The following CNTNAP2 variants were observed in gnomAD, a reference collection of about 807,000 sequenced individuals.
CNTNAP2 encodes the protein contactin associated protein 2.
In CNTNAP2, 98 loss-of-function variants were observed where a neutral mutation model predicts 155.2. The ratio of observed to expected loss-of-function variants is 0.63; its 90% confidence interval spans 0.54 to 0.75. The LOEUF (loss-of-function observed/expected upper bound fraction) is 0.75. CNTNAP2 is among the 30% of genes least tolerant of loss of function. The pLI, the probability that CNTNAP2 is intolerant of heterozygous loss-of-function variation, is 0.00. For synonymous variants in CNTNAP2, 651 were observed against 631.2 expected (o/e 1.03, Z -0.47); for missense variants, 1,727 against 1,688.1 (o/e 1.02, Z -0.40).
intron 15 of CNTNAP2, among the ~76,000 whole-genome samples, chr7:148,030,527 T>C: frequency 7.6e-6 from 1 of 131,418 alleles, no homozygotes; most frequent in East Asian, 4.8e-4. Flanking sequence ...GAAAGTGTCA[T>C]TAAAAAAGAA....
chr7:147,002,484 G>C (rs931493059), intron 3 of CNTNAP2, among the ~76,000 whole-genome samples: 9 of 152,146 alleles, frequency 5.9e-5, no homozygotes, highest in African/African-American at 2.2e-4. Flanking sequence ...AATTATTAAT[G>C]AGTTGTTAGA....
chr7:147,350,441 AT>A (rs1795949956), intron 9 of CNTNAP2, among the ~76,000 whole-genome samples: 1 of 151,908 alleles, frequency 6.6e-6, no homozygotes, highest in African/African-American at 2.4e-5. Context: ...TATAGTACTC[AT>A]TTCCCATAAA....
At chr7:146,634,604 A>G (rs180998862) in intron 1 of CNTNAP2, among the ~76,000 whole-genome samples, 18 of 152,308 alleles carry the variant, frequency 1.2e-4, no homozygotes, top group Admixed American at 1.2e-3. Flanking sequence ...TTATTCATGA[A>G]TATGTTAATG....
chr7:147,807,352 C>CA (rs1405164231), intron 13 of CNTNAP2, among the ~76,000 whole-genome samples: 34 of 98,658 alleles, frequency 3.4e-4, no homozygotes, highest in Admixed American at 2.1e-3. Flanking sequence ...AAAACGAAAA[C>CA]AAAAAAAAGA....
intron 1 of CNTNAP2, among the ~76,000 whole-genome samples, chr7:146,740,623 G>A (rs1041783832): frequency 6.6e-6 from 1 of 152,136 alleles, no homozygotes; most frequent in Non-Finnish European, 1.5e-5. Context: ...GTTCTGGGGC[G>A]CATCAGACTC....
intron 13 of CNTNAP2, among the ~76,000 whole-genome samples, chr7:147,880,347 A>T (rs549286008): frequency 6.6e-6 from 1 of 152,216 alleles, no homozygotes; most frequent in African/African-American, 2.4e-5. Flanking sequence ...AATCCCAAAA[A>T]GTGACCACAT....
intron 15 of CNTNAP2, among the ~76,000 whole-genome samples, chr7:148,106,493 G>GATAGATAGATAGATAT (rs1490418389): frequency 1.4e-4 from 18 of 124,904 alleles, no homozygotes; most frequent in African/African-American, 6.2e-4. Context: ...CACACTTTGA[G>GATAGATAGATAGATAT]ATATATATAT....
intron 4 of CNTNAP2, among the ~76,000 whole-genome samples, chr7:147,056,773 ATTTG>A (rs998053063): frequency 2.0e-5 from 3 of 151,662 alleles, no homozygotes; most frequent in Non-Finnish European, 4.4e-5. Flanking sequence ...TTGTTTGTTC[ATTTG>A]TTTGTTTGTT....
intron 3 of CNTNAP2, among the ~76,000 whole-genome samples, chr7:146,917,254 C>A (rs1796412545): frequency 6.6e-6 from 1 of 151,980 alleles, no homozygotes; most frequent in African/African-American, 2.4e-5. Context: ...GAGAATGTTC[C>A]ATGAGCTGAT....
At chr7:147,569,575 T>G (rs1324227571) in intron 12 of CNTNAP2, among the ~76,000 whole-genome samples, 4 of 152,214 alleles carry the variant, frequency 2.6e-5, no homozygotes, top group Non-Finnish European at 5.9e-5. Flanking sequence ...TACAGTAATA[T>G]GCTGTACAGG....
At chr7:146,606,381 TGAAG>T in intron 1 of CNTNAP2, among the ~76,000 whole-genome samples, 1 of 152,302 alleles carries the variant, frequency 6.6e-6, no homozygotes, top group African/African-American at 2.4e-5. Context: ...TTTACTACAT[TGAAG>T]GAATTGATAT....
At chr7:146,306,301 G>A (rs1454131991) in intron 1 of CNTNAP2, among the ~76,000 whole-genome samples, 1 of 152,080 alleles carries the variant, frequency 6.6e-6, no homozygotes, top group Non-Finnish European at 1.5e-5. Context: ...ACTCAGAGCT[G>A]AATTCTACCA....
chr7:146,767,857 G>T (rs918482761), intron 1 of CNTNAP2, among the ~76,000 whole-genome samples: 1 of 152,112 alleles, frequency 6.6e-6, no homozygotes, highest in African/African-American at 2.4e-5. Context: ...CTGTGGGTAA[G>T]ACAGGATTAA....
chr7:146,288,793 ATTTTTTTTTTTTTTT>A (rs757136036), intron 1 of CNTNAP2, among the ~76,000 whole-genome samples: 5 of 100,018 alleles, frequency 5.0e-5, no homozygotes, highest in Non-Finnish European at 7.4e-5. Context: ...AAAATTAGTA[ATTTTTTTTTTTTTTT>A]TTTTTTTTTT....
At chr7:146,827,718 T>G (rs113102335) in intron 2 of CNTNAP2, among the ~76,000 whole-genome samples, 50 of 152,008 alleles carry the variant, frequency 3.3e-4, no homozygotes, top group African/African-American at 1.2e-3. Flanking sequence ...CTGACATAAC[T>G]TTTCCTTTCT....
chr7:147,775,404 T>A (rs1483611200), intron 13 of CNTNAP2, among the ~76,000 whole-genome samples: 1 of 113,220 alleles, frequency 8.8e-6, no homozygotes, highest in East Asian at 2.2e-4. Context: ...TATATATATT[T>A]ATATATATAT....
At chr7:146,901,452 TAA>T (rs1795998102) in intron 3 of CNTNAP2, among the ~76,000 whole-genome samples, 1 of 152,198 alleles carries the variant, frequency 6.6e-6, no homozygotes, top group Admixed American at 6.5e-5. Flanking sequence ...GGGAAAGAAT[TAA>T]AGAGCATTAC....
chr7:146,232,354 A>G (rs1271954492), intron 1 of CNTNAP2, among the ~76,000 whole-genome samples: 1 of 151,702 alleles, frequency 6.6e-6, no homozygotes, highest in Non-Finnish European at 1.5e-5. Flanking sequence ...TATATTTTTC[A>G]TGACATAGTT....
intron 8 of CNTNAP2, among the ~76,000 whole-genome samples, chr7:147,287,320 C>T (rs887686999): frequency 2.6e-5 from 4 of 151,846 alleles, no homozygotes; most frequent in Non-Finnish European, 4.4e-5. Context: ...CAGATATCAT[C>T]GGGGTAATTA....
Sources: allele counts gnomAD v4.1 joint callset (sites outside exome capture counted in the v4.1 genomes callset), GRCh38; gene constraint gnomAD v4.1.1; transcripts MANE v1.5; gene names NCBI Gene and HGNC (gene_info 2026-07-23, HGNC 2026-07-21).